CAMKK2: variants seen among roughly 807,000 people sequenced by gnomAD.
CAMKK2 encodes the protein calcium/calmodulin-dependent protein kinase kinase 2.
In CAMKK2, 30 loss-of-function variants were observed where a neutral mutation model predicts 67.2. The observed-to-expected ratio is 0.45, with a 90% confidence interval of 0.33 to 0.61. The LOEUF is 0.61. Among genes scored for constraint, CAMKK2 ranks in the 20% least tolerant of loss-of-function variants. The probability of loss-of-function intolerance (pLI) is 0.02; values close to 1 mark genes in which losing one functional copy is unlikely to be tolerated. For synonymous variants in CAMKK2, 322 were observed against 326.2 expected (o/e 0.99, Z 0.14); for missense variants, 643 against 802.0 (o/e 0.80, Z 2.39).
rs549538441 is a variant in CAMKK2 at position 121,242,018 on chromosome 12, G to C, written c.1597-1149C>G. Among the ~76,000 whole-genome samples, 11 of 152,266 alleles carry C rather than the reference G, an allele frequency of 7.2e-5. No individual in the cohort carries two copies. The East Asian group carries it at 1.9e-3, about 27-fold the overall frequency. On this transcript the variant is annotated intron_variant, in intron 16 of 16. Transcript: ENST00000404169. ...CTTTGGGGCCAGTCTCCATCTGCTG[G>C]TGTCTTGCAATTTTGATCTCATTGA...
chr12:121,294,326 C>T (rs773531629), intron 1 of CAMKK2, among the ~76,000 whole-genome samples: 27 of 152,300 alleles, frequency 1.8e-4, no homozygotes, highest in Admixed American at 3.9e-4. Flanking sequence ...GCCAGGAGTG[C>T]TTAGCATCAT....
intron 14 of CAMKK2, among the ~76,000 whole-genome samples, chr12:121,248,179 G>A (rs1036007744): frequency 1.3e-5 from 2 of 152,206 alleles, no homozygotes; most frequent in African/African-American, 2.4e-5. Context: ...CTGAGTGTGT[G>A]CGTGGAAGTC....
In CAMKK2 at chr12:121,245,096, TCCAGCC is replaced by T. The variant is rs1186975640; in HGVS notation, c.1553+38_1553+43del. The T allele has an allele frequency of 9.4e-6, 13 of 1,380,416 alleles. No homozygotes were observed. The highest frequency in any genetic ancestry group is 1.3e-5 in the Non-Finnish European group (13 of 988,530). 85.5% of individuals were successfully genotyped at this position (1,380,416 alleles called of 1,614,324 possible). A position where few individuals can be genotyped will look rare whatever the true frequency, so the allele number is the denominator to read the frequency against. On this transcript the variant is annotated intron_variant, in intron 15 of 16. Coordinates refer to ENST00000404169, the MANE Select transcript of CAMKK2 (RefSeq NM_001270485.2). The surrounding 1 kb of genome is among the most constrained non-coding windows in gnomAD (Gnocchi z 5.8). ...GGGCAGGGCTGCCCCAAGCCTAGCC[TCCAGCC>T]ACCACTCCCCCACCCAAGAAGGCAG...
At chr12:121,283,285 G>A (rs1297054085) in intron 1 of CAMKK2, among the ~76,000 whole-genome samples, 1 of 152,102 alleles carries the variant, frequency 6.6e-6, no homozygotes, top group African/African-American at 2.4e-5. Context: ...AGCTAAGCAG[G>A]GTTATCAGAT....
At chr12:121,244,288 C>T (rs1284056523) in intron 16 of CAMKK2, among the ~76,000 whole-genome samples, 1 of 152,226 alleles carries the variant, frequency 6.6e-6, no homozygotes, top group Non-Finnish European at 1.5e-5. Context: ...ACTGAGAAGA[C>T]ATGGGTGCCA....
Position 121,249,869 on chromosome 12 carries a change from T to G in CAMKK2, c.1241A>C (p.Asp414Ala). 1 of 1,614,084 alleles carries G rather than the reference T, an allele frequency of 6.2e-7. No homozygotes were observed. ...SQALEFPDQPDIAEDLKDLIT... is the reference protein window; with the variant it reads ...SQALEFPDQPAIAEDLKDLIT... ...CAGGTCCTTCAAGTCCTCAGCTATG[T>G]CGGGCCTGGGGATGGAGAGGCGTCA... Residue 414 changes from aspartate to alanine, a missense_variant, in exon 13 of 17, where the codon GAC becomes GCC. Around this residue, in one of 3 missense-constraint regions of CAMKK2, gnomAD observed 483 missense variants for 625.8 expected, o/e 0.77. Transcript: ENST00000404169.
At chr12:121,291,348 C>T (rs956202049) in intron 1 of CAMKK2, among the ~76,000 whole-genome samples, 2 of 152,198 alleles carry the variant, frequency 1.3e-5, no homozygotes, top group Admixed American at 6.5e-5. Flanking sequence ...AGCCTTAAGA[C>T]GCCTTTATGG....
chr12:121,274,370 T>G lies in CAMKK2; in HGVS notation c.157A>C (p.Ile53Leu). 6.2e-7 allele frequency: 1 copy of G among 1,613,508 alleles called. No homozygotes were observed. The highest frequency in any genetic ancestry group is 2.2e-5 in the East Asian group (1 of 44,868). The change falls in exon 2 of 17, where the codon ATT (isoleucine) becomes CTT (leucine). Residue 53 changes from isoleucine to leucine, a missense_variant. Coordinates refer to ENST00000404169, the MANE Select transcript of CAMKK2 (RefSeq NM_001270485.2). Reference protein sequence around the residue: ...LSIHLGMESFIVVTECEPGCA... With the variant: ...LSIHLGMESFLVVTECEPGCA... ...CCCGGCTCACACTCGGTGACCACAA[T>G]GAAGGACTCCATGCCCAGGTGGATG...
intron 11 of CAMKK2, among the ~76,000 whole-genome samples, chr12:121,251,742 G>T (rs1890753676): frequency 6.6e-6 from 1 of 150,658 alleles, no homozygotes; most frequent in African/African-American, 2.5e-5. Flanking sequence ...CAGGAGAATG[G>T]CTTGAACCCG....
rs745914760 is a variant in CAMKK2 at position 121,240,900 on chromosome 12, ACT to A, written c.1597-33_1597-32del. Reference sequence around the variant, plus strand: ...CACCGAACAGAAAACCAACATTAAGACTCTGAGAAATGCCAGCGAGGCCCTGA... The same window carrying A: ...CACCGAACAGAAAACCAACATTAAGACTGAGAAATGCCAGCGAGGCCCTGA... On this transcript the variant is annotated intron_variant, in intron 16 of 16. Transcript: ENST00000404169. The surrounding 1 kb of genome is among the most constrained non-coding windows in gnomAD (Gnocchi z 4.4). The A allele has an allele frequency of 4.4e-6, 7 of 1,606,930 alleles. No individual in the cohort carries two copies. Among genetic ancestry groups the A allele is most frequent in the Admixed American group, 1.7e-5 (1 of 58,886 alleles).
chr12:121,297,339 G>A (rs117115425), upstream of CAMKK2: 312 of 318,364 alleles, frequency 9.8e-4, 2 homozygotes, highest in East Asian at 0.025. Context: ...ACCGACTCGG[G>A]GGAGCCCCCT....
chr12:121,282,174 C>CTA (rs1395388177), intron 1 of CAMKK2, among the ~76,000 whole-genome samples: 2 of 151,990 alleles, frequency 1.3e-5, no homozygotes, highest in Non-Finnish European at 2.9e-5. Flanking sequence ...CTGAGAAGGC[C>CTA]CTCTGTGGAA....
chr12:121,288,886 G>A (rs1326186140), intron 1 of CAMKK2, among the ~76,000 whole-genome samples: 1 of 152,110 alleles, frequency 6.6e-6, no homozygotes, highest in Non-Finnish European at 1.5e-5. Context: ...TTCAGGATGG[G>A]GTGGGGTGGG....
intron 1 of CAMKK2, among the ~76,000 whole-genome samples, chr12:121,293,765 G>A (rs1900585320): frequency 6.6e-6 from 1 of 151,956 alleles, no homozygotes; most frequent in African/African-American, 2.4e-5. Context: ...TCAAGGCTCT[G>A]CACAAATGAC....
At chr12:121,273,162 G>C (rs1166909987) in intron 2 of CAMKK2, among the ~76,000 whole-genome samples, 1 of 152,156 alleles carries the variant, frequency 6.6e-6, no homozygotes, top group East Asian at 1.9e-4. Flanking sequence ...GCAGAGAGAG[G>C]CTGGAGGGTG....
intron 1 of CAMKK2, among the ~76,000 whole-genome samples, chr12:121,279,005 A>G (rs954164958): frequency 2.0e-5 from 3 of 152,264 alleles, no homozygotes; most frequent in Admixed American, 2.0e-4. Context: ...GTTCCTGAGA[A>G]GAAAATGAGG....
intron 15 of CAMKK2, 143 bp from the exon 16 acceptor site, chr12:121,244,758 A>AG: frequency 3.0e-6 from 2 of 662,896 alleles, no homozygotes; most frequent in African/African-American, 1.8e-5. Context: ...ACAGCAGATG[A>AG]GTGGACACCT....
intron 9 of CAMKK2, among the ~76,000 whole-genome samples, chr12:121,255,344 A>ATATATAATTATATATAATTT (rs1891973341): frequency 1.0e-4 from 1 of 9,796 alleles, no homozygotes; most frequent in Non-Finnish European, 2.0e-4. Flanking sequence ...ATATAATTTT[A>ATATATAATTATATATAATTT]TATATATAAT....
rs575478342 is a variant in CAMKK2, at chr12:121,273,933, C to T, written c.471+123G>A. On this transcript the variant is annotated intron_variant, in intron 2 of 16. Coordinates refer to ENST00000404169, the MANE Select transcript of CAMKK2 (RefSeq NM_001270485.2). Reference sequence around the variant, plus strand: ...CGCCCCCAAGGTTCCCTGGAGTCAACTCCTAGGTCAACCGTGGCACTCAGA... The same window carrying T: ...CGCCCCCAAGGTTCCCTGGAGTCAATTCCTAGGTCAACCGTGGCACTCAGA... 5.0e-6 allele frequency: 4 copies of T among 792,572 alleles called. No individual in the cohort carries two copies. In the African/African-American group the frequency reaches 7.0e-5, roughly 14 times the overall value. The allele number at this position is 792,572 out of a possible 1,614,324, so 49.1% of individuals were successfully genotyped here.
Sources: allele counts gnomAD v4.1 joint callset (sites outside exome capture counted in the v4.1 genomes callset), GRCh38; gene constraint gnomAD v4.1.1; regional missense constraint gnomAD v4.1.1; non-coding constraint Gnocchi (gnomAD v3.1); transcripts MANE v1.5; gene names NCBI Gene and HGNC (gene_info 2026-07-23, HGNC 2026-07-21).